The following PBLD variants were observed in gnomAD, a reference collection of about 807,000 sequenced individuals.
PBLD encodes the protein phenazine biosynthesis-like domain-containing protein.
Under a neutral mutation model 31.3 loss-of-function variants are expected in PBLD, and 26 were observed. The observed-to-expected ratio is 0.83, with a 90% CI of 0.61 to 1.15. The LOEUF is 1.15. Among genes scored for constraint, PBLD ranks in the 50% most tolerant of loss-of-function variants. PBLD has a pLI of 0.00. For synonymous variants in PBLD, 114 were observed against 129.0 expected (o/e 0.88, Z 0.79); for missense variants, 307 against 351.7 (o/e 0.87, Z 1.02).
chr10:68,290,898 A>G (rs2044350759), intron 6 of PBLD, among the ~76,000 whole-genome samples: 1 of 152,064 alleles, frequency 6.6e-6, no homozygotes, highest in South Asian at 2.1e-4. Flanking sequence ...CCACTTTCTT[A>G]CCAGTATGTT....
intron 1 of PBLD, among the ~76,000 whole-genome samples, chr10:68,330,533 G>A (rs1453400987): frequency 2.0e-5 from 3 of 152,078 alleles, no homozygotes; most frequent in Non-Finnish European, 4.4e-5. Flanking sequence ...ACTTGAACTT[G>A]CACTGATTTT....
At chr10:68,305,884 T>C (rs1329443990) in intron 2 of PBLD, among the ~76,000 whole-genome samples, 1 of 152,208 alleles carries the variant, frequency 6.6e-6, no homozygotes, top group Non-Finnish European at 1.5e-5. Flanking sequence ...TGAGATTCAC[T>C]GTCCCTGAAG....
rs35708572 is a variant in PBLD, at chr10:68,285,400, G to A, written c.702C>T (p.His234=). The A allele has an allele frequency of 0.056, 90,002 of 1,612,476 alleles. 2,745 individuals carry two copies. The highest frequency in any genetic ancestry group is 0.075 in the Middle Eastern group (457 of 6,056). The part of the protein sequence containing the change: ...VAEDPVTGSA[H]AVLSSYWSQH... ...GGGACCAGTAGCTGCTGAGAACAGC[G>A]TGTGCAGACCCTCAAAAGAAGTGAA... Residue 234 remains histidine, a synonymous_variant, in exon 9 of 10, where the codon CAC becomes CAT. Transcript: ENST00000358769.
In PBLD at chr10:68,285,351, G is replaced by A; in HGVS notation, c.751C>T (p.His251Tyr). Residue 251 changes from histidine (H) to tyrosine (Y), a missense_variant, in exon 9 of 10, where the codon CAT becomes TAT. His to Tyr is a moderately conservative substitution (Grantham distance 83). Transcript: ENST00000358769. ...AATTGGTAAAGAGCTGTCCTACCAT[G>A]CATTTCTTTCTTCCCCAGATGCTGG... Reference protein sequence around the residue: ...WSQHLGKKEMHAFQCSHRGGE... With the variant: ...WSQHLGKKEMYAFQCSHRGGE... 1 of 1,613,996 alleles carries A rather than the reference G, an allele frequency of 6.2e-7. No individual in the cohort carries two copies. Among genetic ancestry groups the A allele is most frequent in the Non-Finnish European group, 8.5e-7 (1 of 1,179,934 alleles).
At chr10:68,326,681 A>G (rs2044925899) in intron 1 of PBLD, among the ~76,000 whole-genome samples, 1 of 152,210 alleles carries the variant, frequency 6.6e-6, no homozygotes, top group South Asian at 2.1e-4. Context: ...ACAGCATGGA[A>G]CTAGAATTAA....
intron 1 of PBLD, among the ~76,000 whole-genome samples, chr10:68,330,720 G>C (rs1051105708): frequency 7.7e-5 from 3 of 39,118 alleles, no homozygotes; most frequent in Admixed American, 2.6e-4. Flanking sequence ...GTGTGTGTGT[G>C]TGTGTGTGTG....
intron 1 of PBLD, among the ~76,000 whole-genome samples, chr10:68,327,398 G>A (rs1228934134): frequency 6.6e-6 from 1 of 151,536 alleles, no homozygotes; most frequent in Non-Finnish European, 1.5e-5. Flanking sequence ...ATCTGGGTGG[G>A]GCTGGGCGCT....
At chr10:68,289,694 T>C (rs4746753) in intron 6 of PBLD, among the ~76,000 whole-genome samples, 117,467 of 146,116 alleles carry the variant, frequency 0.8, 46,633 homozygotes, top group Non-Finnish European at 0.87. Context: ...CACACACACA[T>C]ATCTTGACCC....
chr10:68,309,067 C>G (rs1443970287), intron 1 of PBLD, among the ~76,000 whole-genome samples: 1 of 150,214 alleles, frequency 6.7e-6, no homozygotes, highest in East Asian at 2.0e-4. Flanking sequence ...TTACAGTTTT[C>G]CTGTCACTGC....
At chr10:68,317,067 C>T (rs2044745940) in intron 1 of PBLD, among the ~76,000 whole-genome samples, 4 of 152,100 alleles carry the variant, frequency 2.6e-5, no homozygotes, top group African/African-American at 9.7e-5. Context: ...CATAACTCAT[C>T]ATGTAAAATG....
At chr10:68,321,892 A>G (rs771539274) in intron 1 of PBLD, among the ~76,000 whole-genome samples, 1 of 152,226 alleles carries the variant, frequency 6.6e-6, no homozygotes, top group Non-Finnish European at 1.5e-5. Flanking sequence ...ATGGAGGAGA[A>G]GAGACAAACT....
chr10:68,319,129 A>G (rs963279223), intron 1 of PBLD, among the ~76,000 whole-genome samples: 3 of 151,810 alleles, frequency 2.0e-5, no homozygotes, highest in Admixed American at 6.6e-5. Context: ...AAAGAAAGAG[A>G]GAAGGAGAAA....
chr10:68,332,458 G>A (rs904516542), intron 1 of PBLD, among the ~76,000 whole-genome samples: 9 of 152,238 alleles, frequency 5.9e-5, no homozygotes, highest in African/African-American at 2.2e-4. Flanking sequence ...CGAAGTAGGG[G>A]ACATCCAGCA....
chr10:68,288,195 C>A, intron 8 of PBLD: 1 of 419,278 alleles, frequency 2.4e-6, no homozygotes, highest in African/African-American at 2.0e-5. Flanking sequence ...GAGGAGGGAA[C>A]TGAGACTTTT....
In PBLD at chr10:68,309,169, G is replaced by A. The variant is rs2044625255; in HGVS notation, c.-59-2266C>T. 2.0e-5 allele frequency among the ~76,000 whole-genome samples: 3 copies of A among 149,772 alleles called. 1 individual carries two copies. In the South Asian group the frequency reaches 6.4e-4, roughly 32 times the overall value. ...CGCCTGTAATTCAGCACTTTGGGAG[G>A]CCAAGGCAGGCAGATCACTTGAGGT... On this transcript the variant is annotated intron_variant, in intron 1 of 9. Coordinates refer to ENST00000358769, the MANE Select transcript of PBLD (RefSeq NM_022129.4).
rs371325464 is a variant in PBLD, at chr10:68,318,088, G to C, written c.-59-11185C>G. Among the ~76,000 whole-genome samples the C allele has an allele frequency of 2.6e-5, 4 of 151,928 alleles. No homozygotes were observed. The South Asian group carries it at 8.3e-4, about 32-fold the overall frequency. On this transcript the variant is annotated intron_variant, in intron 1 of 9. Coordinates refer to ENST00000358769, the MANE Select transcript of PBLD (RefSeq NM_022129.4). ...TGAAAATACAAAAAATTAGCCAGGC[G>C]TGGTGGCAGGCACTTGTAGTCCCAG... is the stretch of plus-strand genomic sequence containing the variant.
intron 2 of PBLD, among the ~76,000 whole-genome samples, chr10:68,299,535 G>C (rs1202091717): frequency 6.6e-6 from 1 of 152,104 alleles, no homozygotes; most frequent in African/African-American, 2.4e-5. Context: ...AATCAGTCAT[G>C]ATTTTAAAAC....
At chr10:68,315,539 C>T (rs769325039) in intron 1 of PBLD, among the ~76,000 whole-genome samples, 3 of 150,084 alleles carry the variant, frequency 2.0e-5, no homozygotes, top group Non-Finnish European at 3.0e-5. Context: ...GAGCCAAGAT[C>T]GCACCACTGC....
At chr10:68,331,646 G>T (rs938326135) in intron 1 of PBLD, 1 of 152,272 alleles carries the variant, frequency 6.6e-6, no homozygotes, top group Non-Finnish European at 1.5e-5. Context: ...GTCGAACCAC[G>T]TGGGGCCCTT....
Sources: gnomAD v4.1 joint callset for allele counts (sites outside exome capture counted in the v4.1 genomes callset) on GRCh38, gnomAD v4.1.1 for gene constraint, MANE v1.5 for transcripts, NCBI Gene and HGNC (gene_info 2026-07-23, HGNC 2026-07-21) for gene names.